The following NAA11 variants were observed in gnomAD, a reference collection of about 807,000 sequenced individuals.
NAA11 encodes the protein N-alpha-acetyltransferase 11, NatA catalytic subunit, also known as N-alpha-acetyltransferase 11.
Under a neutral mutation model 16.1 loss-of-function variants are expected in NAA11, and 15 were observed. The observed-to-expected ratio is 0.93, with a 90% CI of 0.62 to 1.44. The LOEUF (loss-of-function observed/expected upper bound fraction) is 1.44. Ranked by LOEUF, NAA11 falls within the 40% of genes most tolerant of loss-of-function variation. The pLI is 0.00. For synonymous variants in NAA11, 122 were observed against 112.4 expected, an observed-to-expected ratio of 1.09 and a Z score of -0.54; for missense variants, 298 against 291.3, an observed-to-expected ratio of 1.02 and a Z score of -0.17.
At chr4:79,294,037 GGC>G (rs1723154027) in exon 2 of NAA11, 1 of 152,564 alleles carries the variant, frequency 6.6e-6, no homozygotes, top group African/African-American at 2.4e-5. Context: ...GCAGCAAGAA[GGC>G]CCTTGCCAGA....
At chr4:79,296,710 C>T (rs2109997890) in intron 1 of NAA11, among the ~76,000 whole-genome samples, 1 of 152,226 alleles carries the variant, frequency 6.6e-6, no homozygotes, top group Non-Finnish European at 1.5e-5. Flanking sequence ...TTTCTTTGTC[C>T]TAGCCTATGT....
At chr4:79,302,167 T>C (rs996968165) in intron 1 of NAA11, among the ~76,000 whole-genome samples, 6 of 152,184 alleles carry the variant, frequency 3.9e-5, no homozygotes, top group Non-Finnish European at 5.9e-5. Flanking sequence ...TTAATGTAGA[T>C]TGATACCATA....
chr4:79,214,797 A>G, the NAA11 span, among the ~76,000 whole-genome samples: 1 of 150,946 alleles, frequency 6.6e-6, no homozygotes, highest in Non-Finnish European at 1.5e-5. Flanking sequence ...GACTCCATCT[A>G]AAAAAAAATA....
In NAA11 at chr4:79,325,951, G is replaced by T; in HGVS notation, c.-74C>A. The T allele has an allele frequency of 7.4e-7, 1 of 1,360,280 alleles. No individual in the cohort carries two copies. Among genetic ancestry groups the T allele is most frequent in the Non-Finnish European group, 1.0e-6 (1 of 993,570 alleles). 84.3% of individuals were successfully genotyped at this position (1,360,280 alleles called of 1,614,324 possible). ...GCTGTCGCCGACCTTAAGGGGCACT[G>T]TTTGCCTCAGGAATCGAGTCCAGGG... On this transcript the variant is annotated 5_prime_UTR_variant, in exon 1 of 2. Coordinates refer to ENST00000286794, the MANE Select transcript of NAA11 (RefSeq NM_032693.3).
At chr4:79,288,413 T>C (rs1056753974) in intron 2 of NAA11, among the ~76,000 whole-genome samples, 2 of 152,196 alleles carry the variant, frequency 1.3e-5, no homozygotes, top group Non-Finnish European at 2.9e-5. Context: ...TTGAAGACTT[T>C]ACAAGGAAGA....
chr4:79,225,740 C>G (rs147178833), exon 3 of NAA11: 76 of 152,016 alleles, frequency 5.0e-4, no homozygotes, highest in African/African-American at 1.7e-3. Flanking sequence ...ACTTTCTGCT[C>G]TTTGGTGAGT....
chr4:79,314,641 T>TAAAAAAAAAAAAAAAAAAAAAAAAA (rs375245497), downstream of NAA11, among the ~76,000 whole-genome samples: 12 of 98,058 alleles, frequency 1.2e-4, 2 homozygotes, highest in East Asian at 1.0e-3. Context: ...TCCTTAAAAT[T>TAAAAAAAAAAAAAAAAAAAAAAAAA]AAAAAAAAAA....
chr4:79,201,249 C>T, the NAA11 span, among the ~76,000 whole-genome samples: 1 of 151,466 alleles, frequency 6.6e-6, no homozygotes, highest in African/African-American at 2.4e-5. Context: ...TTTCCTTATA[C>T]TAGATTCTCA....
chr4:79,196,101 C>T, the NAA11 span, among the ~76,000 whole-genome samples: 1 of 152,044 alleles, frequency 6.6e-6, no homozygotes, highest in Admixed American at 6.6e-5. Flanking sequence ...TGCTACACTT[C>T]CAGTCTCTAC....
intron 1 of NAA11, among the ~76,000 whole-genome samples, chr4:79,309,588 T>C (rs1170345878): frequency 6.6e-6 from 1 of 152,116 alleles, no homozygotes; most frequent in Admixed American, 6.5e-5. Flanking sequence ...TTTTTTAGAA[T>C]TGAAAACAGG....
chr4:79,193,513 T>C, the NAA11 span, among the ~76,000 whole-genome samples: 1 of 152,176 alleles, frequency 6.6e-6, no homozygotes, highest in Non-Finnish European at 1.5e-5. Flanking sequence ...TTTTGTCAGA[T>C]TTGTCAAAGA....
the NAA11 span, among the ~76,000 whole-genome samples, chr4:79,205,929 G>A: frequency 7.0e-6 from 1 of 142,716 alleles, no homozygotes; most frequent in African/African-American, 2.5e-5. Context: ...TAGGTATTTG[G>A]CTTTCTTTCT....
At chr4:79,178,909 G>A in the NAA11 span, among the ~76,000 whole-genome samples, 1 of 152,132 alleles carries the variant, frequency 6.6e-6, no homozygotes, top group Admixed American at 6.6e-5. Flanking sequence ...ATGTGTGAAA[G>A]CCCTAAGACA....
At chr4:79,169,412 A>C in the NAA11 span, among the ~76,000 whole-genome samples, 5 of 152,216 alleles carry the variant, frequency 3.3e-5, no homozygotes, top group South Asian at 1.0e-3. Context: ...ACAGATATAT[A>C]GATCAATGGA....
chr4:79,173,025 A>G, the NAA11 span, among the ~76,000 whole-genome samples: 642 of 152,270 alleles, frequency 4.2e-3, 5 homozygotes, highest in African/African-American at 0.015. Context: ...CTCTTAGTTC[A>G]TATTAGATAG....
chr4:79,208,781 A>G, the NAA11 span, among the ~76,000 whole-genome samples: 1 of 151,632 alleles, frequency 6.6e-6, no homozygotes, highest in Non-Finnish European at 1.5e-5. Context: ...TTTAGATTAT[A>G]AGCTTTAAAA....
chr4:79,239,677 G>A (rs1313493393), intron 2 of NAA11, among the ~76,000 whole-genome samples: 2 of 152,062 alleles, frequency 1.3e-5, no homozygotes, highest in Non-Finnish European at 2.9e-5. Flanking sequence ...TCCAGCCTGG[G>A]TGACAGAGCA....
At chr4:79,313,067 A>G (rs1216586105), downstream of NAA11, among the ~76,000 whole-genome samples, 2 of 152,204 alleles carry the variant, frequency 1.3e-5, no homozygotes, top group Admixed American at 6.5e-5. Context: ...ATACATGCAT[A>G]TATTTGTCAT....
chr4:79,212,043 G>A, the NAA11 span, among the ~76,000 whole-genome samples: 1 of 152,184 alleles, frequency 6.6e-6, no homozygotes, highest in Non-Finnish European at 1.5e-5. Context: ...TGAAACCTCT[G>A]CTATGTTAAA....
Sources: gnomAD v4.1 joint callset for allele counts (sites outside exome capture counted in the v4.1 genomes callset) on GRCh38, gnomAD v4.1.1 for gene constraint, MANE v1.5 for transcripts, NCBI Gene and HGNC (gene_info 2026-07-23, HGNC 2026-07-21) for gene names.